The following DNER variants were observed in gnomAD, a reference collection of about 807,000 sequenced individuals.
DNER encodes the protein delta and Notch-like epidermal growth factor-related receptor.
A neutral mutation model predicts 78.2 loss-of-function variants in DNER; 33 were observed. The observed-to-expected ratio is 0.42, with a 90% CI of 0.32 to 0.56. The LOEUF is 0.56. DNER is among the 20% of genes least tolerant of loss of function. The pLI is 0.11. For missense variants in DNER, 918 were observed against 975.3 expected, an observed-to-expected ratio of 0.94 and a Z score of 0.78; for synonymous variants, 417 against 384.8, an observed-to-expected ratio of 1.08 and a Z score of -0.98.
At chr2:229,541,034 T>C (rs956411429) in intron 5 of DNER, among the ~76,000 whole-genome samples, 1 of 152,252 alleles carries the variant, frequency 6.6e-6, no homozygotes, top group African/African-American at 2.4e-5. Context: ...TCTTTATTAC[T>C]AACTCCATGT....
chr2:229,590,616 A>T (rs1031345268), intron 2 of DNER, among the ~76,000 whole-genome samples: 1 of 152,120 alleles, frequency 6.6e-6, no homozygotes, highest in Non-Finnish European at 1.5e-5. Context: ...GGTGAATGAG[A>T]TTAGTGCCCT....
At chr2:229,617,008 G>T (rs1160451098) in intron 1 of DNER, among the ~76,000 whole-genome samples, 1 of 152,142 alleles carries the variant, frequency 6.6e-6, no homozygotes, top group Non-Finnish European at 1.5e-5. Flanking sequence ...ATCCACTGAA[G>T]AAGAACCGAA....
At chr2:229,694,567 G>A (rs1699633452) in intron 1 of DNER, among the ~76,000 whole-genome samples, 1 of 152,258 alleles carries the variant, frequency 6.6e-6, no homozygotes, top group South Asian at 2.1e-4. Context: ...GCATGACCTG[G>A]ATGTGAGACC....
At chr2:229,476,655 T>C (rs1051587878) in intron 7 of DNER, among the ~76,000 whole-genome samples, 2 of 152,198 alleles carry the variant, frequency 1.3e-5, no homozygotes, top group Non-Finnish European at 2.9e-5. Context: ...GCTGTGATTA[T>C]CTGCCTGCTT....
At chr2:229,453,114 A>T (rs1263400231) in intron 7 of DNER, among the ~76,000 whole-genome samples, 1 of 152,204 alleles carries the variant, frequency 6.6e-6, no homozygotes, top group Admixed American at 6.5e-5. Context: ...AATCACTCTG[A>T]CTTTCTGCTT....
At chr2:229,693,326 T>C (rs1699612340) in intron 1 of DNER, among the ~76,000 whole-genome samples, 1 of 151,988 alleles carries the variant, frequency 6.6e-6, no homozygotes, top group African/African-American at 2.4e-5. Context: ...TAATTAAACC[T>C]CTTTCCTTTA....
At chr2:229,652,702 G>C (rs1023573542) in intron 1 of DNER, among the ~76,000 whole-genome samples, 4 of 152,164 alleles carry the variant, frequency 2.6e-5, no homozygotes, top group Non-Finnish European at 4.4e-5. Flanking sequence ...CTCAGAAGCA[G>C]GCAAAAAATC....
intron 11 of DNER, among the ~76,000 whole-genome samples, chr2:229,382,187 G>A (rs1476111838): frequency 6.6e-6 from 1 of 152,130 alleles, no homozygotes; most frequent in African/African-American, 2.4e-5. Flanking sequence ...ACTGTTAGAA[G>A]GAAAACTAAC....
chr2:229,557,955 G>A (rs536282376), intron 4 of DNER, among the ~76,000 whole-genome samples: 1 of 152,078 alleles, frequency 6.6e-6, no homozygotes, highest in Admixed American at 6.6e-5. Flanking sequence ...CTATTCACAA[G>A]AGCAAAGACA....
intron 11 of DNER, among the ~76,000 whole-genome samples, chr2:229,382,802 A>C (rs1692774010): frequency 6.6e-6 from 1 of 152,190 alleles, no homozygotes; most frequent in African/African-American, 2.4e-5. Flanking sequence ...GGTGTACTTG[A>C]AAGTGACGGG....
At chr2:229,610,976 A>G (rs1388562995) in intron 1 of DNER, among the ~76,000 whole-genome samples, 1 of 152,264 alleles carries the variant, frequency 6.6e-6, no homozygotes, top group East Asian at 1.9e-4. Context: ...AGCTAGAAGT[A>G]GTTCATTGTT....
Position 229,586,051 on chromosome 2 carries a change from A to C in DNER, c.681-27T>G, listed in dbSNP as rs1294334185. The C allele has an allele frequency of 1.9e-6, 3 of 1,576,934 alleles. No homozygotes were observed. In the African/African-American group the frequency reaches 4.1e-5, roughly 22 times the overall value. Reference sequence around the variant, plus strand: ...TGGAAACAGGAATGATGTAAACAGAAAGCTCCTTTCAGAAAAATTCATCTT... The same window carrying C: ...TGGAAACAGGAATGATGTAAACAGACAGCTCCTTTCAGAAAAATTCATCTT... On this transcript the variant is annotated intron_variant, in intron 3 of 12. Coordinates refer to ENST00000341772, the MANE Select transcript of DNER (RefSeq NM_139072.4).
chr2:229,675,748 G>A (rs935147170), intron 1 of DNER, among the ~76,000 whole-genome samples: 2 of 152,128 alleles, frequency 1.3e-5, no homozygotes, highest in Admixed American at 6.5e-5. Flanking sequence ...TTATAGCATC[G>A]ATCAGTCTTT....
intron 8 of DNER, among the ~76,000 whole-genome samples, chr2:229,440,663 C>T (rs755232087): frequency 2.6e-5 from 4 of 152,226 alleles, no homozygotes; most frequent in Non-Finnish European, 4.4e-5. Context: ...CATTCCAGCC[C>T]CAAGTAAGAA....
chr2:229,646,748 T>C (rs1698726450), intron 1 of DNER, among the ~76,000 whole-genome samples: 1 of 152,242 alleles, frequency 6.6e-6, no homozygotes, highest in African/African-American at 2.4e-5. Context: ...CTAGGCCAGG[T>C]CCTCAGGGTC....
At chr2:229,585,324 G>C (rs1236919675) in intron 4 of DNER, among the ~76,000 whole-genome samples, 1 of 152,158 alleles carries the variant, frequency 6.6e-6, no homozygotes, top group Non-Finnish European at 1.5e-5. Context: ...CACAGTCGCT[G>C]GATTCCAGAG....
intron 1 of DNER, among the ~76,000 whole-genome samples, chr2:229,686,817 C>A (rs533150857): frequency 2.4e-4 from 36 of 152,314 alleles, no homozygotes; most frequent in African/African-American, 8.7e-4. Flanking sequence ...TAGAAATTCC[C>A]ATCAAACCAA....
At chr2:229,598,493 G>A (rs1697765031) in intron 1 of DNER, among the ~76,000 whole-genome samples, 1 of 152,114 alleles carries the variant, frequency 6.6e-6, no homozygotes, top group African/African-American at 2.4e-5. Flanking sequence ...TTGCCCTGCT[G>A]GTATGCATGT....
intron 1 of DNER, among the ~76,000 whole-genome samples, chr2:229,707,988 T>A (rs1025683055): frequency 1.3e-5 from 2 of 152,158 alleles, no homozygotes; most frequent in African/African-American, 4.8e-5. Context: ...AAACCAAGCC[T>A]CAGAGAAAGG....
Sources: gnomAD v4.1 joint callset for allele counts (sites outside exome capture counted in the v4.1 genomes callset) on GRCh38, gnomAD v4.1.1 for gene constraint, MANE v1.5 for transcripts, NCBI Gene and HGNC (gene_info 2026-07-23, HGNC 2026-07-21) for gene names.